The following ZNF182 variants were observed in gnomAD, a reference collection of about 807,000 sequenced individuals.
ZNF182 encodes the protein zinc finger protein 182.
Under a neutral mutation model 28.1 loss-of-function variants are expected in ZNF182, and 10 were observed. That is an observed-to-expected ratio of 0.36 (90% CI 0.22 to 0.60). The LOEUF is 0.60. Among genes scored for constraint, ZNF182 ranks in the 20% least tolerant of loss-of-function variants. The pLI is 0.75. For missense variants in ZNF182, 352 were observed against 453.2 expected (o/e 0.78, Z 2.03); for synonymous variants, 156 against 158.7 (o/e 0.98, Z 0.13).
chrX:47,987,695 T>C, intron 3 of ZNF182, among the ~76,000 whole-genome samples: 1 of 112,308 alleles, frequency 8.9e-6, no homozygotes, highest in Non-Finnish European at 1.9e-5. Context: ...CATATAGATG[T>C]AGACATACAG....
rs782204454 is a variant in ZNF182, at chrX:47,976,665, C to T, written c.1365G>A (p.Met455Ile). 2 of 1,207,737 alleles carry T rather than the reference C, an allele frequency of 1.7e-6. No individual in the cohort carries two copies. Among genetic ancestry groups the T allele is most frequent in the East Asian group, 5.9e-5 (2 of 33,805 alleles). The change falls in exon 6 of 6, where the codon ATG becomes ATA. Residue 455 changes from methionine (M) to isoleucine (I), a missense_variant. Physicochemically the swap from Met to Ile is conservative, Grantham distance 10. Coordinates refer to ENST00000376943, the MANE Select transcript of ZNF182 (RefSeq NM_001007088.2). ...CTCCTGTATGACCTCTCTGATGCAG[C>T]ATGAGGTAGGACTTCTGAGAGAAGG... ...EKAFSQKSYL[M>I]LHQRGHTGEK...
intron 3 of ZNF182, among the ~76,000 whole-genome samples, chrX:47,987,051 C>A (rs1295290799): frequency 8.9e-6 from 1 of 111,779 alleles, no homozygotes; most frequent in African/African-American, 3.3e-5. Context: ...TCGTGTGAGT[C>A]AATACTCCTT....
intron 3 of ZNF182, among the ~76,000 whole-genome samples, chrX:47,984,984 G>A (rs1162180145): frequency 3.6e-5 from 4 of 111,075 alleles, no homozygotes; most frequent in Non-Finnish European, 7.5e-5. Flanking sequence ...CTAAGTGTTG[G>A]TGAGGATGTA....
intron 5 of ZNF182, among the ~76,000 whole-genome samples, chrX:47,981,981 G>T (rs1556899174): frequency 9.2e-6 from 1 of 109,122 alleles, no homozygotes; most frequent in Non-Finnish European, 1.9e-5. Flanking sequence ...CTACCCAAAA[G>T]AAACAAAACA....
At chrX:47,992,091 G>A (rs781901896) in intron 3 of ZNF182, among the ~76,000 whole-genome samples, 9 of 111,423 alleles carry the variant, frequency 8.1e-5, no homozygotes, top group Admixed American at 2.8e-4. Context: ...ACCCAGCCAG[G>A]AAATGTTCTT....
rs1251149185 is a variant in ZNF182, at chrX:48,003,682, C to A, written c.-219G>T. On this transcript the variant is annotated 5_prime_UTR_variant, in exon 2 of 6. It adds an upstream start codon to the 5' untranslated region. Transcript: ENST00000376943. The stretch of plus-strand genomic sequence containing the variant: ...AGGGGTCTGAGGGATGCGCATGAAC[C>A]TTTAGGGGCAGGTCACTGTGCTGGA... 2 of 112,183 alleles carry A rather than the reference C, an allele frequency of 1.8e-5. No individual in the cohort carries two copies. Among genetic ancestry groups the A allele is most frequent in the African/African-American group, 6.5e-5 (2 of 30,829 alleles). The allele number at this position is 112,183 out of a possible 1,213,427, so 9.2% of individuals were successfully genotyped here.
At chrX:47,979,821 G>A (rs1313185410) in intron 5 of ZNF182, among the ~76,000 whole-genome samples, 2 of 109,714 alleles carry the variant, frequency 1.8e-5, no homozygotes, top group African/African-American at 6.6e-5. Flanking sequence ...AGGTTATTTT[G>A]AGCCATAGGA....
intron 3 of ZNF182, among the ~76,000 whole-genome samples, chrX:47,999,100 C>A (rs781798578): frequency 9.0e-6 from 1 of 111,717 alleles, no homozygotes; most frequent in Non-Finnish European, 1.9e-5. Context: ...GAAATTCAGG[C>A]CGGGAGCGGT....
intron 4 of ZNF182, 53 bp from the exon 5 acceptor site, chrX:47,983,091 CAGA>C: frequency 8.6e-7 from 1 of 1,162,155 alleles, no homozygotes; most frequent in Non-Finnish European, 1.2e-6. Context: ...GCCTCTGAGA[CAGA>C]AGAAGTTACA....
chrX:47,993,523 G>A (rs986910963), intron 3 of ZNF182, among the ~76,000 whole-genome samples: 5 of 111,595 alleles, frequency 4.5e-5, no homozygotes, highest in Non-Finnish European at 9.4e-5. Flanking sequence ...CCCTTAACTT[G>A]GAGGTTCTGC....
chrX:47,996,756 G>C (rs956593158), intron 3 of ZNF182, among the ~76,000 whole-genome samples: 1 of 111,607 alleles, frequency 9.0e-6, no homozygotes, highest in East Asian at 2.8e-4. Flanking sequence ...CCCTAACCCA[G>C]CAGAACTGGT....
chrX:47,986,888 G>A (rs1556899867), intron 3 of ZNF182, among the ~76,000 whole-genome samples: 1 of 111,865 alleles, frequency 8.9e-6, no homozygotes, highest in African/African-American at 3.3e-5. Context: ...TCAGCTTTTG[G>A]ACTTTTAGAC....
Position 48,002,326 on chromosome X carries a change from C to T in ZNF182, c.15+269G>A, listed in dbSNP as rs782358528. 4.5e-5 allele frequency among the ~76,000 whole-genome samples: 5 copies of T among 111,931 alleles called. No homozygotes were observed. In the East Asian group the frequency reaches 1.4e-3, roughly 31 times the overall value. ...TCCCATGAAGGCTGTGTGCTCTCTC[C>T]TGATGAGTAAGGTGAGCCAAGGTAC... On this transcript the variant is annotated intron_variant, in intron 3 of 5. Transcript: ENST00000376943.
At chrX:48,000,404 A>C (rs1463784412) in intron 3 of ZNF182, among the ~76,000 whole-genome samples, 1 of 110,199 alleles carries the variant, frequency 9.1e-6, no homozygotes, top group Non-Finnish European at 1.9e-5. Context: ...TCTACTAAGA[A>C]TATAAAAATT....
intron 3 of ZNF182, among the ~76,000 whole-genome samples, chrX:47,998,742 C>A: frequency 9.1e-6 from 1 of 110,147 alleles, no homozygotes; most frequent in Non-Finnish European, 1.9e-5. Flanking sequence ...GCCTGTAATC[C>A]CAATTACTCG....
intron 5 of ZNF182, among the ~76,000 whole-genome samples, chrX:47,981,283 T>C (rs973447233): frequency 8.9e-6 from 1 of 111,911 alleles, no homozygotes; most frequent in Non-Finnish European, 1.9e-5. Context: ...TGGGACATGT[T>C]GTAACACCAG....
intron 5 of ZNF182, among the ~76,000 whole-genome samples, chrX:47,979,150 C>G (rs1439324572): frequency 8.9e-6 from 1 of 112,217 alleles, no homozygotes; most frequent in Non-Finnish European, 1.9e-5. Flanking sequence ...AAGAAGAGTA[C>G]AGTAACTACT....
At chrX:47,977,987 A>T (rs1036441244) in intron 5 of ZNF182, among the ~76,000 whole-genome samples, 190 bp from the exon 6 acceptor site, 16 of 111,758 alleles carry the variant, frequency 1.4e-4, no homozygotes, top group African/African-American at 5.2e-4. Flanking sequence ...CTGACACCTC[A>T]GTCTTTCTTA....
chrX:47,979,782 A>G (rs1195449557), intron 5 of ZNF182, among the ~76,000 whole-genome samples: 1 of 110,938 alleles, frequency 9.0e-6, no homozygotes, highest in Non-Finnish European at 1.9e-5. Context: ...CTGAGGCAGG[A>G]AACAAAGGGA....
Sources: allele counts gnomAD v4.1 joint callset (sites outside exome capture counted in the v4.1 genomes callset), GRCh38; gene constraint gnomAD v4.1.1; transcripts MANE v1.5; gene names NCBI Gene and HGNC (gene_info 2026-07-23, HGNC 2026-07-21).